The following ROBO2 variants were observed in gnomAD, a reference collection of about 807,000 sequenced individuals.
ROBO2 encodes the protein roundabout homolog 2.
A neutral mutation model predicts 160.8 loss-of-function variants in ROBO2; 53 were observed. The observed-to-expected ratio is 0.33, with a 90% CI of 0.26 to 0.41. The LOEUF (loss-of-function observed/expected upper bound fraction) is 0.41. Among genes scored for constraint, ROBO2 ranks in the 10% least tolerant of loss-of-function variants. The pLI is 1.00. For missense variants in ROBO2, 1,577 were observed against 1,722.4 expected (o/e 0.92, Z 1.49); for synonymous variants, 664 against 611.7 (o/e 1.09, Z -1.26).
chr3:77,269,842 T>G (rs1482447427), intron 2 of ROBO2, among the ~76,000 whole-genome samples: 1 of 152,202 alleles, frequency 6.6e-6, no homozygotes, highest in Non-Finnish European at 1.5e-5. Flanking sequence ...TCTCTTCTGA[T>G]GTATTTTCTC....
At chr3:77,519,517 T>G (rs557553381) in intron 5 of ROBO2, among the ~76,000 whole-genome samples, 1 of 151,360 alleles carries the variant, frequency 6.6e-6, no homozygotes, top group East Asian at 2.0e-4. Flanking sequence ...CCTTCTCTCT[T>G]TCCTCTAGTA....
At chr3:76,110,005 T>C (rs2070146178) in intron 2 of ROBO2, among the ~76,000 whole-genome samples, 1 of 151,576 alleles carries the variant, frequency 6.6e-6, no homozygotes, top group Non-Finnish European at 1.5e-5. Flanking sequence ...GTTCTTTTTA[T>C]GACTAAGTAG....
At chr3:76,963,654 A>C (rs1417521743) in intron 2 of ROBO2, among the ~76,000 whole-genome samples, 1 of 152,092 alleles carries the variant, frequency 6.6e-6, no homozygotes, top group Non-Finnish European at 1.5e-5. Flanking sequence ...AAGCGATAAA[A>C]TTGCCTGAGT....
intron 2 of ROBO2, among the ~76,000 whole-genome samples, chr3:77,129,432 C>T (rs1318535882): frequency 6.6e-6 from 1 of 152,160 alleles, no homozygotes; most frequent in Admixed American, 6.5e-5. Flanking sequence ...TTTGTTTATT[C>T]CTGTAGCATA....
At chr3:77,480,734 T>A (rs969127974) in intron 3 of ROBO2, among the ~76,000 whole-genome samples, 4 of 152,114 alleles carry the variant, frequency 2.6e-5, no homozygotes, top group African/African-American at 9.7e-5. Context: ...TTTTATTAGA[T>A]TATTTAAAAT....
intron 2 of ROBO2, among the ~76,000 whole-genome samples, chr3:76,491,075 T>C (rs1298085927): frequency 6.6e-6 from 1 of 152,036 alleles, no homozygotes; most frequent in Non-Finnish European, 1.5e-5. Context: ...TTCTCCTGCT[T>C]CAGCCTCCTA....
intron 2 of ROBO2, among the ~76,000 whole-genome samples, chr3:76,709,494 G>A (rs752861461): frequency 9.9e-5 from 15 of 152,122 alleles, no homozygotes; most frequent in African/African-American, 1.9e-4. Flanking sequence ...GTATCTCACC[G>A]GCCAGAACTG....
intron 2 of ROBO2, among the ~76,000 whole-genome samples, chr3:77,342,516 T>TTATA (rs1259729822): frequency 4.6e-5 from 7 of 152,194 alleles, no homozygotes; most frequent in African/African-American, 1.7e-4. Flanking sequence ...GAACATAAAC[T>TTATA]TATATGTCTA....
At chr3:76,887,194 ATTTTTTTTTTT>A (rs5850296) in intron 2 of ROBO2, among the ~76,000 whole-genome samples, 5 of 76,576 alleles carry the variant, frequency 6.5e-5, no homozygotes, top group Admixed American at 1.8e-4. Context: ...TTCAGGAAGC[ATTTTTTTTTTT>A]TTTTTTTTTT....
intron 2 of ROBO2, among the ~76,000 whole-genome samples, chr3:76,135,324 A>G (rs1005278180): frequency 3.3e-5 from 5 of 152,086 alleles, no homozygotes; most frequent in Non-Finnish European, 7.4e-5. Context: ...CCCTTGACAT[A>G]TGAGGAAACC....
chr3:77,184,026 G>T (rs761708166), intron 2 of ROBO2, among the ~76,000 whole-genome samples: 13 of 148,742 alleles, frequency 8.7e-5, no homozygotes, highest in Non-Finnish European at 1.6e-4. Context: ...TAGATACCAT[G>T]AAACAACTGA....
At chr3:76,567,626 T>TATATATATATATATATATATAC (rs2108553210) in intron 2 of ROBO2, among the ~76,000 whole-genome samples, 1 of 68,752 alleles carries the variant, frequency 1.5e-5, no homozygotes, top group Non-Finnish European at 3.1e-5. Flanking sequence ...TACTGATATA[T>TATATATATATATATATATATAC]ATATATATAT....
intron 2 of ROBO2, among the ~76,000 whole-genome samples, chr3:76,363,324 A>G (rs886858100): frequency 1.3e-5 from 2 of 152,082 alleles, no homozygotes; most frequent in African/African-American, 4.8e-5. Context: ...GCAATTCATC[A>G]GAAGAGAAAC....
chr3:76,396,945 A>T (rs894700719), intron 2 of ROBO2, among the ~76,000 whole-genome samples: 9 of 152,154 alleles, frequency 5.9e-5, no homozygotes, highest in African/African-American at 2.2e-4. Flanking sequence ...GCTACCAATG[A>T]CTTTCTTCAC....
intron 2 of ROBO2, among the ~76,000 whole-genome samples, chr3:76,083,351 AATG>A (rs1414386125): frequency 1.3e-5 from 2 of 152,110 alleles, no homozygotes; most frequent in Non-Finnish European, 1.5e-5. Flanking sequence ...CAGGAAATAA[AATG>A]ATAATATTTT....
intron 2 of ROBO2, among the ~76,000 whole-genome samples, chr3:76,583,741 C>A (rs191909684): frequency 4.6e-4 from 70 of 152,194 alleles, no homozygotes; most frequent in African/African-American, 1.7e-3. Context: ...GTTTCCATTC[C>A]TGCTACGTGC....
At chr3:77,147,273 C>A (rs555328266) in intron 2 of ROBO2, among the ~76,000 whole-genome samples, 1 of 152,236 alleles carries the variant, frequency 6.6e-6, no homozygotes, top group South Asian at 2.1e-4. Context: ...TCGGTGAGTT[C>A]TTTAATCTGC....
chr3:76,435,381 C>G (rs562098152), intron 2 of ROBO2: 1 of 781,968 alleles, frequency 1.3e-6, no homozygotes, highest in Admixed American at 1.7e-5. Context: ...CAAGACCCTA[C>G]AGCATGGGCA....
At chr3:76,145,041 A>C (rs2106792505) in intron 2 of ROBO2, among the ~76,000 whole-genome samples, 1 of 152,154 alleles carries the variant, frequency 6.6e-6, no homozygotes, top group South Asian at 2.1e-4. Context: ...TTAAAATCAA[A>C]GCAGTCATGC....
Sources: gnomAD v4.1 joint callset for allele counts (sites outside exome capture counted in the v4.1 genomes callset) on GRCh38, gnomAD v4.1.1 for gene constraint, MANE v1.5 for transcripts, NCBI Gene and HGNC (gene_info 2026-07-23, HGNC 2026-07-21) for gene names.